Variants in LRRC4C observed in about 807,000 individuals in gnomAD.
LRRC4C encodes the protein leucine-rich repeat-containing protein 4C.
In LRRC4C, 5 loss-of-function variants were observed where a neutral mutation model predicts 33.6. That is an observed-to-expected ratio of 0.15 (90% CI 0.08 to 0.31). The LOEUF (loss-of-function observed/expected upper bound fraction) is 0.31, where lower values mean the gene tolerates loss of function less well. LRRC4C is among the 10% of genes least tolerant of loss of function. LRRC4C has a pLI of 1.00. For missense variants in LRRC4C, 560 were observed against 796.7 expected (o/e 0.70, Z 3.58); for synonymous variants, 329 against 302.0 (o/e 1.09, Z -0.93).
intron 3 of LRRC4C, among the ~76,000 whole-genome samples, chr11:40,321,186 AT>A (rs934067293): frequency 6.2e-4 from 94 of 152,172 alleles, no homozygotes; most frequent in Non-Finnish European, 1.0e-3. Flanking sequence ...TGATATGATG[AT>A]TTTTTTCCCC....
intron 2 of LRRC4C, among the ~76,000 whole-genome samples, chr11:40,692,862 G>A (rs78523563): frequency 0.031 from 4,739 of 152,158 alleles, 122 homozygotes; most frequent in African/African-American, 0.073. Flanking sequence ...CATGGTATGA[G>A]AAGAACCTTA....
At chr11:41,270,655 C>G (rs1216978221) in intron 1 of LRRC4C, among the ~76,000 whole-genome samples, 1 of 152,120 alleles carries the variant, frequency 6.6e-6, no homozygotes, top group South Asian at 2.1e-4. Context: ...ATTTTCTCTT[C>G]TTCAGTCCTC....
At chr11:41,044,427 C>T (rs571290689) in intron 1 of LRRC4C, among the ~76,000 whole-genome samples, 1 of 152,194 alleles carries the variant, frequency 6.6e-6, no homozygotes, top group South Asian at 2.1e-4. Context: ...TTTATTTTGA[C>T]TGGTTTCTTG....
chr11:40,916,696 A>G lies in LRRC4C; in HGVS notation c.-407+16939T>C, dbSNP rs538509419. Among the ~76,000 whole-genome samples, 11 of 151,604 alleles carry G rather than the reference A, an allele frequency of 7.3e-5. No homozygotes were observed. In the South Asian group the frequency reaches 2.3e-3, roughly 32 times the overall value. On this transcript the variant is annotated intron_variant, in intron 2 of 6. Coordinates refer to ENST00000528697, the MANE Select transcript of LRRC4C (RefSeq NM_001258419.2). ...CATGTACCCTAAAACTTAAAGTATA[A>G]TAAAAATAAATAAATAAAAATAAAA...
chr11:40,520,908 C>T (rs1474447618), intron 3 of LRRC4C, among the ~76,000 whole-genome samples: 5 of 152,022 alleles, frequency 3.3e-5, no homozygotes. Context: ...ATGGTATATA[C>T]TCAACCCAGG....
intron 5 of LRRC4C, among the ~76,000 whole-genome samples, chr11:40,212,300 C>T (rs78768713): frequency 0.011 from 1,665 of 152,122 alleles, 41 homozygotes; most frequent in African/African-American, 0.038. Flanking sequence ...CTAAGTCCTG[C>T]ATAAATATTA....
chr11:40,707,975 C>T (rs1946254685), intron 2 of LRRC4C, among the ~76,000 whole-genome samples: 1 of 152,116 alleles, frequency 6.6e-6, no homozygotes, highest in Non-Finnish European at 1.5e-5. Flanking sequence ...TCCATTTCTT[C>T]TAGATTTTCT....
At chr11:40,979,965 G>A (rs1450413171) in intron 1 of LRRC4C, among the ~76,000 whole-genome samples, 1 of 151,962 alleles carries the variant, frequency 6.6e-6, no homozygotes, top group Non-Finnish European at 1.5e-5. Flanking sequence ...AATTTCTTAG[G>A]GATGGAGAAA....
chr11:40,759,303 A>G (rs1394187458), intron 2 of LRRC4C, among the ~76,000 whole-genome samples: 1 of 149,164 alleles, frequency 6.7e-6, no homozygotes. Flanking sequence ...ATGTATATAT[A>G]TCCCTGTTAC....
intron 1 of LRRC4C, among the ~76,000 whole-genome samples, chr11:41,241,807 G>A (rs1948261327): frequency 2.6e-5 from 4 of 152,176 alleles, no homozygotes; most frequent in Admixed American, 2.6e-4. Context: ...GAAATGGTTA[G>A]AAATGGTTTC....
chr11:40,464,476 A>G, intron 3 of LRRC4C, among the ~76,000 whole-genome samples: 1 of 152,086 alleles, frequency 6.6e-6, no homozygotes, highest in Non-Finnish European at 1.5e-5. Flanking sequence ...TCCTAGCAAG[A>G]GGAATCAGGA....
chr11:40,502,461 A>T (rs892856172), intron 3 of LRRC4C, among the ~76,000 whole-genome samples: 8 of 152,260 alleles, frequency 5.3e-5, no homozygotes, highest in Admixed American at 5.2e-4. Flanking sequence ...GAAGCCTCAC[A>T]ATCATGGTGG....
intron 3 of LRRC4C, among the ~76,000 whole-genome samples, chr11:40,349,833 G>C (rs891708210): frequency 3.9e-5 from 6 of 152,094 alleles, no homozygotes; most frequent in African/African-American, 1.4e-4. Context: ...ATGATGTTAA[G>C]GACTTTTTTA....
intron 1 of LRRC4C, among the ~76,000 whole-genome samples, chr11:41,396,345 G>T (rs770246559): frequency 6.6e-6 from 1 of 151,966 alleles, no homozygotes; most frequent in Non-Finnish European, 1.5e-5. Flanking sequence ...ATTAAGATAG[G>T]TATTGCAGTC....
At chr11:40,924,142 A>G (rs1957316374) in intron 2 of LRRC4C, among the ~76,000 whole-genome samples, 1 of 150,658 alleles carries the variant, frequency 6.6e-6, no homozygotes, top group Non-Finnish European at 1.5e-5. Flanking sequence ...ATATATGTAT[A>G]TATATGATAT....
chr11:41,037,640 G>T (rs926784555), intron 1 of LRRC4C, among the ~76,000 whole-genome samples: 1 of 150,442 alleles, frequency 6.6e-6, no homozygotes, highest in Admixed American at 6.7e-5. Flanking sequence ...TCATTTAATT[G>T]CATTTAATTG....
At chr11:40,915,789 T>C (rs1015583224) in intron 2 of LRRC4C, among the ~76,000 whole-genome samples, 12 of 152,098 alleles carry the variant, frequency 7.9e-5, no homozygotes, top group Non-Finnish European at 1.6e-4. Flanking sequence ...ATTTTTGCAA[T>C]CTACTCATCT....
Position 40,133,457 on chromosome 11 carries a change from C to T in LRRC4C, c.-43+7344G>A, listed in dbSNP as rs372635404. Reference sequence around the variant, plus strand: ...AGTAACCAAAAACATATTTATAACCCCAGGCGAAGCACTAAAGATGTCTGG... The same window carrying T: ...AGTAACCAAAAACATATTTATAACCTCAGGCGAAGCACTAAAGATGTCTGG... On this transcript the variant is annotated intron_variant, in intron 6 of 6. Coordinates refer to ENST00000528697, the MANE Select transcript of LRRC4C (RefSeq NM_001258419.2). 5.2e-4 allele frequency among the ~76,000 whole-genome samples: 79 copies of T among 152,180 alleles called. 2 individuals are homozygous for T. The South Asian group carries it at 0.016, about 31-fold the overall frequency.
chr11:40,403,649 T>G (rs1949848166), intron 3 of LRRC4C, among the ~76,000 whole-genome samples: 1 of 152,132 alleles, frequency 6.6e-6, no homozygotes. Context: ...CTACTTCAAT[T>G]TTTTTTCTGT....
Sources: allele counts gnomAD v4.1 joint callset (sites outside exome capture counted in the v4.1 genomes callset), GRCh38; gene constraint gnomAD v4.1.1; transcripts MANE v1.5; gene names NCBI Gene and HGNC (gene_info 2026-07-23, HGNC 2026-07-21).